TSPAN11: variants seen among roughly 807,000 people sequenced by gnomAD.
The protein encoded by TSPAN11 is tetraspanin-11.
A neutral mutation model predicts 32.9 loss-of-function variants in TSPAN11; 29 were observed. The observed-to-expected ratio is 0.88, with a 90% CI of 0.66 to 1.20. TSPAN11 has a LOEUF of 1.20. Among genes scored for constraint, TSPAN11 ranks in the 50% most tolerant of loss-of-function variants. The pLI is 0.00. For missense variants in TSPAN11, 283 were observed against 329.1 expected, an observed-to-expected ratio of 0.86 and a Z score of 1.08; for synonymous variants, 140 against 141.3, an observed-to-expected ratio of 0.99 and a Z score of 0.07.
intron 1 of TSPAN11, among the ~76,000 whole-genome samples, chr12:30,927,430 G>C (rs745387480): frequency 2.0e-5 from 3 of 152,254 alleles, no homozygotes; most frequent in Admixed American, 2.0e-4. Flanking sequence ...CATATGTGCA[G>C]TGTGCACATG....
the TSPAN11 span, among the ~76,000 whole-genome samples, chr12:31,013,111 A>T: frequency 2.6e-5 from 4 of 152,368 alleles, no homozygotes; most frequent in African/African-American, 9.6e-5. Context: ...TGTGCAGACC[A>T]TGATCACAAC....
intron 7 of TSPAN11, among the ~76,000 whole-genome samples, chr12:30,987,787 G>A (rs1939228773): frequency 6.6e-6 from 1 of 152,208 alleles, no homozygotes. Context: ...GAGGTCAGGA[G>A]ATGGGGAGCA....
intron 1 of TSPAN11, among the ~76,000 whole-genome samples, chr12:30,940,161 C>A (rs58652788): frequency 0.037 from 5,692 of 152,260 alleles, 349 homozygotes; most frequent in African/African-American, 0.13. Context: ...GCCATAGAAG[C>A]AATGGCCTGA....
chr12:30,964,879 C>G (rs965835097), intron 3 of TSPAN11, among the ~76,000 whole-genome samples: 1 of 152,196 alleles, frequency 6.6e-6, no homozygotes, highest in African/African-American at 2.4e-5. Context: ...TGCTTATCTC[C>G]TACGTCTCCT....
In TSPAN11 at chr12:30,983,135, G is replaced by C; in HGVS notation, c.687G>C (p.Gly229=). The C allele has an allele frequency of 6.2e-7, 1 of 1,612,674 alleles. No homozygotes were observed. ...TGCTTATGGGGGCAGTGGGCATCGG[G>C]GTGGCCTGCCTGCAGGTGAGTTGCA... The part of the protein sequence containing the change: ...HLLLMGAVGI[G]VACLQICGMV... The change falls in exon 7 of 8, where the codon GGG becomes GGC. Residue 229 remains glycine (G), a synonymous_variant. Transcript: ENST00000546076.
At chr12:30,940,898 C>A (rs1448442443) in intron 1 of TSPAN11, among the ~76,000 whole-genome samples, 2 of 152,120 alleles carry the variant, frequency 1.3e-5, no homozygotes, top group Non-Finnish European at 1.5e-5. Context: ...GAGCACGAAC[C>A]CTATTATGAA....
intron 7 of TSPAN11, among the ~76,000 whole-genome samples, chr12:30,989,772 C>T (rs1022849398): frequency 2.0e-5 from 3 of 152,220 alleles, no homozygotes; most frequent in Non-Finnish European, 4.4e-5. Flanking sequence ...AGCTCTGTGG[C>T]CCTTCCTTCA....
At chr12:30,944,060 C>CTAG (rs1277589418) in intron 1 of TSPAN11, among the ~76,000 whole-genome samples, 3 of 152,074 alleles carry the variant, frequency 2.0e-5, no homozygotes, top group African/African-American at 7.2e-5. Context: ...GGAGTGGAGT[C>CTAG]TAGCTTACCC....
At chr12:30,999,957 C>T (rs901735261), downstream of TSPAN11, among the ~76,000 whole-genome samples, 6 of 151,016 alleles carry the variant, frequency 4.0e-5, no homozygotes, top group Admixed American at 1.3e-4. Context: ...GGGGAAGTCC[C>T]GAATAGCAGC....
chr12:31,004,524 A>G, the TSPAN11 span, among the ~76,000 whole-genome samples: 1 of 152,168 alleles, frequency 6.6e-6, no homozygotes, highest in Non-Finnish European at 1.5e-5. Context: ...AGCTGGCAGG[A>G]ACAATCAGGG....
At chr12:30,933,820 G>A (rs932274910) in intron 1 of TSPAN11, among the ~76,000 whole-genome samples, 3 of 152,174 alleles carry the variant, frequency 2.0e-5, no homozygotes, top group African/African-American at 7.2e-5. Flanking sequence ...GCCTGATGGT[G>A]AGCTCTTGGT....
intron 2 of TSPAN11, among the ~76,000 whole-genome samples, chr12:30,960,808 G>C (rs1161150751): frequency 2.0e-5 from 3 of 152,036 alleles, no homozygotes; most frequent in African/African-American, 7.3e-5. Flanking sequence ...GGAGGCCGAG[G>C]CAGGTGGATC....
At chr12:30,987,343 C>A (rs1364896047) in intron 7 of TSPAN11, among the ~76,000 whole-genome samples, 1 of 152,122 alleles carries the variant, frequency 6.6e-6, no homozygotes, top group Non-Finnish European at 1.5e-5. Context: ...TAAAACTACC[C>A]CAGGCCTGTA....
At chr12:30,991,581 G>C (rs1713083539) in intron 7 of TSPAN11, among the ~76,000 whole-genome samples, 1 of 152,220 alleles carries the variant, frequency 6.6e-6, no homozygotes, top group Non-Finnish European at 1.5e-5. Context: ...GAGGTCCCCA[G>C]ATGATTCATG....
At chr12:30,978,512 T>C (rs370603346) in intron 3 of TSPAN11, 49 bp from the exon 4 acceptor site, 42 of 1,592,412 alleles carry the variant, frequency 2.6e-5, no homozygotes, top group Non-Finnish European at 2.8e-5. Flanking sequence ...ACATTTGTCA[T>C]AGCAGCAACC....
chr12:30,944,393 T>A (rs1225774062), intron 1 of TSPAN11, among the ~76,000 whole-genome samples: 1 of 152,048 alleles, frequency 6.6e-6, no homozygotes, highest in African/African-American at 2.4e-5. Context: ...CCCCTCACAA[T>A]CCCCCAGCCC....
intron 2 of TSPAN11, among the ~76,000 whole-genome samples, chr12:30,962,823 G>A (rs893983837): frequency 8.5e-5 from 13 of 152,256 alleles, no homozygotes; most frequent in Admixed American, 2.0e-4. Context: ...TGGCAGAGAC[G>A]GTCAGAGGTC....
At chr12:30,968,390 C>T (rs1592484367) in intron 3 of TSPAN11, among the ~76,000 whole-genome samples, 1 of 152,256 alleles carries the variant, frequency 6.6e-6, no homozygotes, top group African/African-American at 2.4e-5. Context: ...CTCAAAGTCA[C>T]TTTCCCAAGA....
chr12:30,932,803 G>A (rs563729514), intron 1 of TSPAN11, among the ~76,000 whole-genome samples: 20 of 152,216 alleles, frequency 1.3e-4, no homozygotes, highest in African/African-American at 3.9e-4. Context: ...ATCCTGTTTC[G>A]GAGACAAGAT....
Sources: gnomAD v4.1 joint callset for allele counts (sites outside exome capture counted in the v4.1 genomes callset) on GRCh38, gnomAD v4.1.1 for gene constraint, MANE v1.5 for transcripts, NCBI Gene and HGNC (gene_info 2026-07-23, HGNC 2026-07-21) for gene names.